Variants in MAGI1 observed in about 807,000 individuals in gnomAD.
MAGI1 encodes the protein membrane-associated guanylate kinase, WW and PDZ domain-containing protein 1.
In MAGI1, 58 loss-of-function variants were observed where a neutral mutation model predicts 139.9. The ratio of observed to expected loss-of-function variants is 0.41; its 90% confidence interval spans 0.34 to 0.52. The LOEUF is 0.52. Among genes scored for constraint, MAGI1 ranks in the 20% least tolerant of loss-of-function variants. The pLI is 0.12. For synonymous variants in MAGI1, 812 were observed against 737.9 expected (o/e 1.10, Z -1.63); for missense variants, 1,874 against 1,901.6 (o/e 0.99, Z 0.27).
Position 65,784,199 on chromosome 3 carries a change from C to T in MAGI1, c.314-162111G>A, listed in dbSNP as rs548020952. Among the ~76,000 whole-genome samples the T allele has an allele frequency of 6.6e-5, 10 of 152,114 alleles. No homozygotes were observed. In the South Asian group the frequency reaches 2.1e-3, roughly 32 times the overall value. ...ACCCTCATCATTGCTGGTAGGAATG[C>T]AAAATAGTACAGCCACTTTGGAAAA... On this transcript the variant is annotated intron_variant, in intron 1 of 22. Transcript: ENST00000402939.
intron 22 of MAGI1, chr3:65,360,644 T>C (rs1940747023): frequency 1.0e-6 from 1 of 986,058 alleles, no homozygotes; most frequent in Non-Finnish European, 1.2e-6. Flanking sequence ...TGTTTGATAG[T>C]AGTGGGCTCA....
At chr3:65,694,439 G>A (rs2088963608) in intron 1 of MAGI1, among the ~76,000 whole-genome samples, 1 of 137,828 alleles carries the variant, frequency 7.3e-6, no homozygotes, top group Admixed American at 7.1e-5. Context: ...GGTAGTAAGT[G>A]CTAAAAAAAA....
chr3:65,918,404 C>T (rs1272008119), intron 1 of MAGI1, among the ~76,000 whole-genome samples: 5 of 112,680 alleles, frequency 4.4e-5, no homozygotes, highest in South Asian at 3.0e-4. Context: ...TTTTGTGAGA[C>T]GGAGTCTCGC....
intron 1 of MAGI1, among the ~76,000 whole-genome samples, chr3:65,767,246 T>G (rs1173869523): frequency 6.6e-6 from 1 of 152,122 alleles, no homozygotes; most frequent in Admixed American, 6.5e-5. Flanking sequence ...CTATTATATT[T>G]CTTACAGATC....
intron 18 of MAGI1, chr3:65,371,778 C>A: frequency 4.3e-6 from 1 of 231,666 alleles, no homozygotes; most frequent in Non-Finnish European, 9.0e-6. Flanking sequence ...CAGTAGATTC[C>A]ATCTCAAGAA....
intron 1 of MAGI1, among the ~76,000 whole-genome samples, chr3:65,813,416 G>A (rs1244642940): frequency 6.6e-6 from 1 of 152,088 alleles, no homozygotes; most frequent in Non-Finnish European, 1.5e-5. Flanking sequence ...AAATAGGAAG[G>A]AGATGCGAAT....
At chr3:65,932,701 A>C (rs1325613019) in intron 1 of MAGI1, among the ~76,000 whole-genome samples, 1 of 152,088 alleles carries the variant, frequency 6.6e-6, no homozygotes, top group African/African-American at 2.4e-5. Context: ...GGGGCTTCCA[A>C]ATTCCACCTC....
At chr3:65,430,626 C>G in intron 11 of MAGI1, 73 bp downstream of exon 11, 1 of 1,505,408 alleles carries the variant, frequency 6.6e-7, no homozygotes, top group Non-Finnish European at 9.0e-7. Flanking sequence ...CAAACAACAT[C>G]ATGATTGCAC....
At chr3:65,570,431 A>G (rs368565798) in intron 2 of MAGI1, among the ~76,000 whole-genome samples, 18 of 151,538 alleles carry the variant, frequency 1.2e-4, no homozygotes, top group East Asian at 3.9e-4. Context: ...AAAAAAAAAA[A>G]TGTTTAATCA....
intron 1 of MAGI1, among the ~76,000 whole-genome samples, chr3:65,947,943 T>G (rs2063617911): frequency 7.4e-6 from 1 of 135,152 alleles, no homozygotes; most frequent in African/African-American, 2.7e-5. Context: ...TTTCTCTTTT[T>G]TTTTTTTTTT....
intron 5 of MAGI1, among the ~76,000 whole-genome samples, chr3:65,454,714 TATTA>T (rs1204020462): frequency 1.4e-5 from 2 of 140,394 alleles, no homozygotes; most frequent in South Asian, 2.2e-4. Flanking sequence ...ATTCAAATCT[TATTA>T]ATTGTCAAAA....
At chr3:65,372,633 C>A (rs1676300106) in intron 18 of MAGI1, among the ~76,000 whole-genome samples, 1 of 152,186 alleles carries the variant, frequency 6.6e-6, no homozygotes, top group Non-Finnish European at 1.5e-5. Flanking sequence ...CATCTTCTTT[C>A]AATAGAAGAC....
chr3:65,710,463 A>T (rs1351330106), intron 1 of MAGI1, among the ~76,000 whole-genome samples: 2 of 151,886 alleles, frequency 1.3e-5, no homozygotes, highest in Admixed American at 6.6e-5. Flanking sequence ...TATTTTTAGT[A>T]GAGATGGGGT....
At chr3:65,912,090 A>G (rs2061693257) in intron 1 of MAGI1, among the ~76,000 whole-genome samples, 1 of 152,204 alleles carries the variant, frequency 6.6e-6, no homozygotes, top group African/African-American at 2.4e-5. Context: ...ATTCTATCTT[A>G]GACATATTTA....
At chr3:65,724,715 A>G (rs886971698) in intron 1 of MAGI1, among the ~76,000 whole-genome samples, 1 of 152,206 alleles carries the variant, frequency 6.6e-6, no homozygotes, top group Non-Finnish European at 1.5e-5. Context: ...AAGACTTGGG[A>G]GGCCTCAGGA....
At chr3:65,427,207 G>A (rs1006284317) in intron 12 of MAGI1, among the ~76,000 whole-genome samples, 20 of 152,126 alleles carry the variant, frequency 1.3e-4, no homozygotes, top group African/African-American at 4.8e-4. Flanking sequence ...AGCTACTTGG[G>A]GGGCTAAGGC....
intron 1 of MAGI1, among the ~76,000 whole-genome samples, chr3:65,775,340 T>G (rs1310805237): frequency 6.6e-6 from 1 of 151,342 alleles, no homozygotes; most frequent in Non-Finnish European, 1.5e-5. Flanking sequence ...TATCAGCTAC[T>G]TGGGAGACTG....
At chr3:65,730,190 A>G (rs2034042140) in intron 1 of MAGI1, among the ~76,000 whole-genome samples, 2 of 150,324 alleles carry the variant, frequency 1.3e-5, no homozygotes, top group Admixed American at 1.3e-4. Flanking sequence ...TTGGCTGCAA[A>G]TAAGAGAATC....
intron 5 of MAGI1, among the ~76,000 whole-genome samples, chr3:65,466,241 A>G (rs191767098): frequency 3.0e-4 from 46 of 152,320 alleles, no homozygotes; most frequent in African/African-American, 1.1e-3. Context: ...CTGTGTTAGT[A>G]TCTACTCATT....
Sources: gnomAD v4.1 joint callset for allele counts (sites outside exome capture counted in the v4.1 genomes callset) on GRCh38, gnomAD v4.1.1 for gene constraint, MANE v1.5 for transcripts, NCBI Gene and HGNC (gene_info 2026-07-23, HGNC 2026-07-21) for gene names.